Variants in RUNX2 observed in about 807,000 individuals in gnomAD.
RUNX2 encodes RUNX family transcription factor 2, also known as runt-related transcription factor 2.
In RUNX2, 10 loss-of-function variants were observed where a neutral mutation model predicts 51.7. That is an observed-to-expected ratio of 0.19 (90% confidence interval 0.12 to 0.33). The LOEUF (loss-of-function observed/expected upper bound fraction) is 0.33, where lower values mean the gene tolerates loss of function less well. Ranked by LOEUF, RUNX2 falls within the 10% of genes least tolerant of loss-of-function variation. The pLI is 1.00. For synonymous variants in RUNX2, 276 were observed against 273.6 expected (o/e 1.01, Z -0.09); for missense variants, 562 against 691.3 (o/e 0.81, Z 2.10).
intron 4 of RUNX2, 152 bp downstream of exon 4, chr6:45,432,171 T>C: frequency 1.3e-6 from 1 of 782,862 alleles, no homozygotes; most frequent in Admixed American, 2.3e-5. Flanking sequence ...AAGTTGAGTG[T>C]TTTTCTGAGT....
At chr6:45,502,789 A>G (rs1215863160) in intron 6 of RUNX2, among the ~76,000 whole-genome samples, 1 of 152,182 alleles carries the variant, frequency 6.6e-6, no homozygotes, top group East Asian at 1.9e-4. Flanking sequence ...TGCATGTCTG[A>G]TTATGTCACT....
chr6:45,494,164 G>A (rs1800571228), intron 6 of RUNX2, among the ~76,000 whole-genome samples: 1 of 152,204 alleles, frequency 6.6e-6, no homozygotes. Flanking sequence ...AGATACACGT[G>A]CAGAGAGTGA....
In RUNX2 at chr6:45,518,022, A is replaced by G. The variant is rs565061771; in HGVS notation, c.1021+5615A>G. On this transcript the variant is annotated intron_variant, in intron 7 of 8. Coordinates refer to ENST00000647337, the MANE Select transcript of RUNX2 (RefSeq NM_001024630.4). ...AACTCACAGGAGGGAGGAATGCCTT[A>G]AGAAAGGTTAAAAGGAAAACTTCAG... 3.9e-5 allele frequency among the ~76,000 whole-genome samples: 6 copies of G among 152,334 alleles called. No individual in the cohort carries two copies. The South Asian group carries it at 8.3e-4, about 21-fold the overall frequency.
At chr6:45,446,494 T>G (rs1049505204) in intron 5 of RUNX2, among the ~76,000 whole-genome samples, 19 of 151,500 alleles carry the variant, frequency 1.3e-4, no homozygotes, top group Admixed American at 1.2e-3. Flanking sequence ...CCCCTTTTTT[T>G]GTCTCTCTTT....
At chr6:45,478,750 A>G (rs1363976086) in intron 5 of RUNX2, among the ~76,000 whole-genome samples, 2 of 152,132 alleles carry the variant, frequency 1.3e-5, no homozygotes, top group Non-Finnish European at 2.9e-5. Context: ...TATTTTACAG[A>G]TGAGAAAATT....
intron 7 of RUNX2, among the ~76,000 whole-genome samples, chr6:45,544,797 G>A (rs575535664): frequency 2.6e-5 from 4 of 152,184 alleles, no homozygotes; most frequent in Non-Finnish European, 5.9e-5. Flanking sequence ...TGTATTGTAC[G>A]AGGCAGGGCA....
intron 5 of RUNX2, among the ~76,000 whole-genome samples, chr6:45,477,619 T>C (rs1228655347): frequency 6.6e-6 from 1 of 152,224 alleles, no homozygotes; most frequent in Non-Finnish European, 1.5e-5. Flanking sequence ...CACTGTACTG[T>C]TGTCTGTACC....
chr6:45,370,227 G>T (rs1188822998), intron 2 of RUNX2, among the ~76,000 whole-genome samples: 3 of 152,178 alleles, frequency 2.0e-5, no homozygotes, highest in Non-Finnish European at 2.9e-5. Flanking sequence ...GAGATGATGA[G>T]AAGTGGTCAG....
chr6:45,399,068 AGTTG>A (rs1797641259), intron 2 of RUNX2, among the ~76,000 whole-genome samples: 1 of 152,170 alleles, frequency 6.6e-6, no homozygotes, highest in Admixed American at 6.5e-5. Flanking sequence ...AGTGAGTTTG[AGTTG>A]CTGGGACTCA....
chr6:45,402,265 G>A lies in RUNX2; in HGVS notation c.59-20328G>A, dbSNP rs1797728455. On this transcript the variant is annotated intron_variant, in intron 2 of 8. Transcript: ENST00000647337. ...AAAACAATGATTCCCTTAGCAACTG[G>A]CAAATTTTGCAAATTTCCTCATGCT... is the stretch of plus-strand genomic sequence containing the variant. Among the ~76,000 whole-genome samples, 4 of 152,200 alleles carry A rather than the reference G, an allele frequency of 2.6e-5. No homozygotes were observed. The South Asian group carries it at 8.3e-4, about 32-fold the overall frequency.
chr6:45,512,215 T>C lies in RUNX2; in HGVS notation c.860-31T>C, dbSNP rs375489093. ...GTTTCTAAGGCTGCAATGGTTGCTA[T>C]ACTAAAGATTTTTCTTTTTCTTTTT... On this transcript the variant is annotated intron_variant, in intron 6 of 8. Coordinates refer to ENST00000647337, the MANE Select transcript of RUNX2 (RefSeq NM_001024630.4). 64 of 1,610,056 alleles carry C rather than the reference T, an allele frequency of 4.0e-5. No homozygotes were observed. The African/African-American group carries it at 8.0e-4, about 20-fold the overall frequency.
At position 45,403,925 on chromosome 6, in the gene RUNX2, A is replaced by G. The variant is rs189462166; in HGVS notation, c.59-18668A>G. Among the ~76,000 whole-genome samples, 333 of 152,292 alleles carry G rather than the reference A, an allele frequency of 2.2e-3. 3 individuals carry two copies. The highest frequency in any genetic ancestry group is 7.7e-3 in the African/African-American group (320 of 41,572). ...TGGGGAGAGAAAATCGCTATCTCCC[A>G]TACCTGATCTGGGGAAACTCACTGA... On this transcript the variant is annotated intron_variant, in intron 2 of 8. Coordinates refer to ENST00000647337, the MANE Select transcript of RUNX2 (RefSeq NM_001024630.4).
chr6:45,422,687 G>A lies in RUNX2; in HGVS notation c.153G>A (p.Gln51=), dbSNP rs578193245. 2.5e-6 allele frequency: 4 copies of A among 1,602,856 alleles called. No individual in the cohort carries two copies. In the South Asian group the frequency reaches 4.5e-5, roughly 18 times the overall value. The change falls in exon 3 of 9, where the codon CAG becomes CAA. Residue 51 remains glutamine (Q), a synonymous_variant. Transcript: ENST00000647337. ...GCCCGGTGGTGGCTGCGCAACAGCA[G>A]CAGCAACAGCAGCAGCAGCAACAGC... ...DVSPVVAAQQ[Q]QQQQQQQQQQ...
At chr6:45,448,434 C>A (rs182289962) in intron 5 of RUNX2, among the ~76,000 whole-genome samples, 1 of 152,030 alleles carries the variant, frequency 6.6e-6, no homozygotes, top group Non-Finnish European at 1.5e-5. Context: ...AACGAATCAA[C>A]GAATTAAGAA....
At chr6:45,410,335 A>G (rs1318952764) in intron 2 of RUNX2, among the ~76,000 whole-genome samples, 1 of 152,220 alleles carries the variant, frequency 6.6e-6, no homozygotes, top group African/African-American at 2.4e-5. Context: ...AAGCAGTGAC[A>G]ATGGATATGG....
At position 45,491,933 on chromosome 6, in the gene RUNX2, A is replaced by C; in HGVS notation, c.686-8A>C. ...ATATGCTTTTATTTTATGATTTGCT[A>C]TTTCCAGGGCACAGACAGAAGCTTG... On this transcript the variant is annotated splice_region_variant and splice_polypyrimidine_tract_variant and intron_variant, in intron 5 of 8. Transcript: ENST00000647337. The C allele has an allele frequency of 6.2e-7, 1 of 1,613,680 alleles. No homozygotes were observed.
chr6:45,419,429 G>GA (rs200303988), intron 2 of RUNX2, among the ~76,000 whole-genome samples: 70 of 141,594 alleles, frequency 4.9e-4, no homozygotes, highest in Middle Eastern at 3.5e-3. Flanking sequence ...CCCCTAAAAA[G>GA]AAAAAAAAAA....
At chr6:45,511,071 A>T (rs1214433836) in intron 6 of RUNX2, among the ~76,000 whole-genome samples, 5 of 152,236 alleles carry the variant, frequency 3.3e-5, no homozygotes, top group African/African-American at 4.8e-5. Context: ...AAAAATTAGC[A>T]TAAAAACGTG....
intron 2 of RUNX2, among the ~76,000 whole-genome samples, chr6:45,340,565 C>T (rs1789567226): frequency 6.6e-6 from 1 of 152,018 alleles, no homozygotes. Context: ...CTCAAGCGAT[C>T]CTCCCACCTC....
Sources: gnomAD v4.1 joint callset for allele counts (sites outside exome capture counted in the v4.1 genomes callset) on GRCh38, gnomAD v4.1.1 for gene constraint, MANE v1.5 for transcripts, NCBI Gene and HGNC (gene_info 2026-07-23, HGNC 2026-07-21) for gene names.